SLC25A31: variants seen among roughly 807,000 people sequenced by gnomAD.
SLC25A31 encodes the protein solute carrier family 25 member 31.
SLC25A31 carries 40 observed loss-of-function variants against 36.2 expected under a neutral mutation model. The ratio of observed to expected loss-of-function variants is 1.10; its 90% CI spans 0.86 to 1.44. SLC25A31 has a LOEUF of 1.44. Among genes scored for constraint, SLC25A31 ranks in the 40% most tolerant of loss-of-function variants. SLC25A31 has a pLI of 0.00. For missense variants in SLC25A31, 350 were observed against 397.1 expected, an observed-to-expected ratio of 0.88 and a Z score of 1.01; for synonymous variants, 143 against 149.7, an observed-to-expected ratio of 0.96 and a Z score of 0.32.
chr4:127,730,901 A>G (rs1424759265), intron 1 of SLC25A31, 124 bp downstream of exon 1: 16 of 944,400 alleles, frequency 1.7e-5, no homozygotes, highest in African/African-American at 4.9e-5. Context: ...GTCGGTGATG[A>G]ATTTGCTTCT....
At chr4:127,759,558 G>A (rs563828627) in intron 2 of SLC25A31, among the ~76,000 whole-genome samples, 1 of 152,150 alleles carries the variant, frequency 6.6e-6, no homozygotes, top group African/African-American at 2.4e-5. Context: ...TTTTGATAGG[G>A]CAAATATTGT....
intron 3 of SLC25A31, 72 bp from the exon 4 acceptor site, chr4:127,766,994 A>C: frequency 7.7e-7 from 1 of 1,296,992 alleles, no homozygotes; most frequent in Non-Finnish European, 1.0e-6. Flanking sequence ...TAGATCTGTA[A>C]AGGTTTATTT....
chr4:127,760,943 G>A (rs77783979), intron 2 of SLC25A31, among the ~76,000 whole-genome samples: 4,565 of 152,264 alleles, frequency 0.03, 96 homozygotes, highest in Non-Finnish European at 0.048. Context: ...GCCTGGGCGG[G>A]GGGAAAACAC....
intron 2 of SLC25A31, among the ~76,000 whole-genome samples, chr4:127,760,203 T>C (rs1356661462): frequency 1.3e-5 from 2 of 152,196 alleles, no homozygotes; most frequent in Non-Finnish European, 2.9e-5. Flanking sequence ...CGTTGAAGGA[T>C]TTATAGTCTC....
chr4:127,753,351 T>C (rs749013809), intron 2 of SLC25A31, among the ~76,000 whole-genome samples: 7 of 151,598 alleles, frequency 4.6e-5, no homozygotes, highest in Non-Finnish European at 7.4e-5. Flanking sequence ...ATAAATGAAA[T>C]AGAGACTAGA....
rs369113840 is a variant in SLC25A31, at chr4:127,734,180, G to A, written c.232+3403G>A. Among the ~76,000 whole-genome samples the A allele has an allele frequency of 3.3e-5, 5 of 152,210 alleles. No homozygotes were observed. The South Asian group carries it at 1.0e-3, about 32-fold the overall frequency. ...TAAAGTCACCACAATTAACATTTTG[G>A]TTTTTCACTGAGCAAAATATACATA... is the stretch of plus-strand genomic sequence containing the variant. On this transcript the variant is annotated intron_variant, in intron 1 of 5. Transcript: ENST00000281154.
intron 2 of SLC25A31, among the ~76,000 whole-genome samples, chr4:127,763,033 T>G (rs1732172826): frequency 6.6e-6 from 1 of 152,102 alleles, no homozygotes; most frequent in African/African-American, 2.4e-5. Flanking sequence ...TAAGAGTCTG[T>G]GCAGTGAGTC....
intron 1 of SLC25A31, among the ~76,000 whole-genome samples, chr4:127,736,835 CAT>C (rs1731642110): frequency 6.6e-6 from 1 of 152,224 alleles, no homozygotes; most frequent in Admixed American, 6.5e-5. Context: ...AATTTATAAA[CAT>C]GTACTCCAGA....
At chr4:127,766,165 TTTTTTG>T (rs1203620094) in intron 3 of SLC25A31, among the ~76,000 whole-genome samples, 1 of 151,064 alleles carries the variant, frequency 6.6e-6, no homozygotes, top group African/African-American at 2.4e-5. Flanking sequence ...TTTTTTTTTG[TTTTTTG>T]TTTTTGTTTT....
rs574700928 is a variant in SLC25A31, at chr4:127,746,210, A to G, written c.360+1411A>G. ...ATTTTCTTTATCCAATCTGCCATTT[A>G]TGGGCACTTAGGTTAATTCCAGGTT... On this transcript the variant is annotated intron_variant, in intron 2 of 5. Coordinates refer to ENST00000281154, the MANE Select transcript of SLC25A31 (RefSeq NM_031291.4). Among the ~76,000 whole-genome samples, 22 of 152,308 alleles carry G rather than the reference A, an allele frequency of 1.4e-4. 1 individual carries two copies. The South Asian group carries it at 4.6e-3, about 32-fold the overall frequency.
At chr4:127,758,152 CG>C (rs1459216263) in intron 2 of SLC25A31, among the ~76,000 whole-genome samples, 4 of 152,152 alleles carry the variant, frequency 2.6e-5, no homozygotes, top group African/African-American at 9.7e-5. Flanking sequence ...CCACCACCCC[CG>C]GGTCCTTCCC....
At chr4:127,749,958 GAATT>G (rs1313861324) in intron 2 of SLC25A31, among the ~76,000 whole-genome samples, 2 of 151,942 alleles carry the variant, frequency 1.3e-5, no homozygotes, top group African/African-American at 2.4e-5. Flanking sequence ...GTAGCAGAAA[GAATT>G]AATCACGTGA....
chr4:127,748,819 T>G (rs1731869759), intron 2 of SLC25A31, among the ~76,000 whole-genome samples: 5 of 152,124 alleles, frequency 3.3e-5, no homozygotes, highest in Admixed American at 3.3e-4. Context: ...CAAGAAAAGT[T>G]TGGTCTTTCA....
intron 2 of SLC25A31, among the ~76,000 whole-genome samples, chr4:127,746,164 C>T (rs1731822712): frequency 6.6e-6 from 1 of 152,102 alleles, no homozygotes; most frequent in African/African-American, 2.4e-5. Context: ...TGCATAGTAT[C>T]GCATGTTATA....
chr4:127,732,252 A>T (rs1279768380), intron 1 of SLC25A31, among the ~76,000 whole-genome samples: 1 of 152,176 alleles, frequency 6.6e-6, no homozygotes. Flanking sequence ...TGTCCCATTT[A>T]AAAAAGCACC....
At chr4:127,756,519 T>A (rs1578665904) in intron 2 of SLC25A31, among the ~76,000 whole-genome samples, 1 of 152,298 alleles carries the variant, frequency 6.6e-6, no homozygotes, top group South Asian at 2.1e-4. Flanking sequence ...GGCTCTGTTG[T>A]ACACCATGAG....
At chr4:127,732,202 G>A (rs1351414846) in intron 1 of SLC25A31, among the ~76,000 whole-genome samples, 1 of 152,194 alleles carries the variant, frequency 6.6e-6, no homozygotes, top group Non-Finnish European at 1.5e-5. Context: ...TTCAACTCCA[G>A]TGCAGACCTT....
chr4:127,734,085 A>G lies in SLC25A31; in HGVS notation c.232+3308A>G, dbSNP rs147978532. 7.3e-3 allele frequency among the ~76,000 whole-genome samples: 1,119 copies of G among 152,298 alleles called. 15 individuals are homozygous for G. Among genetic ancestry groups the G allele is most frequent in the Admixed American group, 0.031 (474 of 15,292 alleles). On this transcript the variant is annotated intron_variant, in intron 1 of 5. Transcript: ENST00000281154. ...TTTATTTAACACTGTTTAAACCTTT[A>G]TTATGCAAATAATGCATAATTATTG...
rs1165098046 is a variant in SLC25A31, at chr4:127,730,498, C to T, written c.-48C>T. 1.5e-5 allele frequency: 24 copies of T among 1,576,414 alleles called. No individual in the cohort carries two copies. Among genetic ancestry groups the T allele is most frequent in the Middle Eastern group, 1.7e-4 (1 of 5,992 alleles). ...TTCCGCTTCCCTTCATCGTAGCTCC[C>T]GTACTCATTTTTAGCCACTGCTGCC... On this transcript the variant is annotated 5_prime_UTR_variant, in exon 1 of 6. Coordinates refer to ENST00000281154, the MANE Select transcript of SLC25A31 (RefSeq NM_031291.4).
Sources: gnomAD v4.1 joint callset for allele counts (sites outside exome capture counted in the v4.1 genomes callset) on GRCh38, gnomAD v4.1.1 for gene constraint, MANE v1.5 for transcripts, NCBI Gene and HGNC (gene_info 2026-07-23, HGNC 2026-07-21) for gene names.